SMIM21: variants seen among roughly 807,000 people sequenced by gnomAD.
SMIM21 encodes the protein chromosome 18 open reading frame 62.
In SMIM21, 8 loss-of-function variants were observed where a neutral mutation model predicts 8.6. The ratio of observed to expected loss-of-function variants is 0.93; its 90% confidence interval spans 0.55 to 1.68. The LOEUF (loss-of-function observed/expected upper bound fraction) is 1.68. SMIM21 is among the 40% of genes most tolerant of loss of function. The pLI is 0.00. For missense variants in SMIM21, 132 were observed against 123.0 expected, an observed-to-expected ratio of 1.07 and a Z score of -0.35; for synonymous variants, 43 against 41.7, an observed-to-expected ratio of 1.03 and a Z score of -0.12.
intron 2 of SMIM21, chr18:75,416,996 A>G (rs1260662714): frequency 6.6e-6 from 1 of 152,190 alleles, no homozygotes; most frequent in Non-Finnish European, 1.5e-5. Flanking sequence ...TTTAGGAGAA[A>G]ATTTGGATTT....
At chr18:75,423,116 T>C (rs1195823007) in intron 1 of SMIM21, among the ~76,000 whole-genome samples, 1 of 152,218 alleles carries the variant, frequency 6.6e-6, no homozygotes, top group Non-Finnish European at 1.5e-5. Flanking sequence ...TAAAAATAAT[T>C]CTACACTTTT....
rs768340983 is a variant in SMIM21, at chr18:75,427,577, C to T, written c.-14G>A. ...ATACTGGTCCATGTGGGGGCTGCGG[C>T]GGTGACCAGTGAGAGGTCTCCTTGA... On this transcript the variant is annotated 5_prime_UTR_variant, in exon 1 of 3. Coordinates refer to ENST00000579022, the MANE Select transcript of SMIM21 (RefSeq NM_001037331.3). 8.8e-6 allele frequency: 14 copies of T among 1,582,338 alleles called. No homozygotes were observed. Among genetic ancestry groups the T allele is most frequent in the Middle Eastern group, 3.7e-4 (2 of 5,420 alleles).
intron 1 of SMIM21, among the ~76,000 whole-genome samples, chr18:75,426,402 C>T (rs111551020): frequency 2.0e-5 from 3 of 151,770 alleles, no homozygotes; most frequent in East Asian, 1.9e-4. Flanking sequence ...CTCTGCCTCC[C>T]GGGTTCACAC....
intron 1 of SMIM21, among the ~76,000 whole-genome samples, chr18:75,421,240 G>A (rs1433280247): frequency 6.6e-6 from 1 of 152,142 alleles, no homozygotes; most frequent in South Asian, 2.1e-4. Context: ...ATTCCTAATG[G>A]CAATGCTTCC....
In SMIM21 at chr18:75,427,648, A is replaced by G. The variant is rs1323543880; in HGVS notation, c.-85T>C. On this transcript the variant is annotated 5_prime_UTR_variant, in exon 1 of 3. Coordinates refer to ENST00000579022, the MANE Select transcript of SMIM21 (RefSeq NM_001037331.3). ...CAGAGCTGGTGCTATAAGACCTGGT[A>G]ACTAAGTTCCCAAGGAGCTTTTCTC... The G allele has an allele frequency of 7.2e-7, 1 of 1,384,682 alleles. No homozygotes were observed. Among genetic ancestry groups the G allele is most frequent in the Non-Finnish European group, 9.5e-7 (1 of 1,055,300 alleles). The allele number at this position is 1,384,682 out of a possible 1,614,324, so 85.8% of individuals were successfully genotyped here. A position where few individuals can be genotyped will look rare whatever the true frequency, so the allele number is the denominator to read the frequency against.
In SMIM21 at chr18:75,427,463, T is replaced by G; in HGVS notation, c.101A>C (p.Asn34Thr). ...GGTAAGTGCTTTCTTCTGCAGCAAA[T>G]TCCCCTTGAATATCCGTCCCATTCC... The part of the protein sequence containing the change: ...SAGMGRIFKG[N>T]LLQKKALTTF... Residue 34 changes from asparagine to threonine, a missense_variant, in exon 1 of 3, where the codon AAT becomes ACT. Transcript: ENST00000579022. 6.2e-7 allele frequency: 1 copy of G among 1,614,032 alleles called. No individual in the cohort carries two copies. Among genetic ancestry groups the G allele is most frequent in the Non-Finnish European group, 8.5e-7 (1 of 1,179,960 alleles).
intron 1 of SMIM21, among the ~76,000 whole-genome samples, chr18:75,426,893 A>G (rs182886325): frequency 2.0e-5 from 3 of 152,266 alleles, no homozygotes; most frequent in Admixed American, 1.3e-4. Flanking sequence ...TGATCACCCC[A>G]TCACCTCTGC....
chr18:75,413,891 T>A (rs186339325), intron 2 of SMIM21, among the ~76,000 whole-genome samples: 2 of 152,266 alleles, frequency 1.3e-5, no homozygotes, highest in African/African-American at 4.8e-5. Flanking sequence ...ATATGTTTAA[T>A]AAATTAATCA....
At chr18:75,426,188 C>T (rs1382796374) in intron 1 of SMIM21, among the ~76,000 whole-genome samples, 2 of 152,154 alleles carry the variant, frequency 1.3e-5, no homozygotes, top group East Asian at 3.8e-4. Flanking sequence ...GACTTCAAAT[C>T]GACTTACAAC....
At chr18:75,422,016 C>A (rs902851674) in intron 1 of SMIM21, among the ~76,000 whole-genome samples, 2 of 152,146 alleles carry the variant, frequency 1.3e-5, no homozygotes, top group African/African-American at 4.8e-5. Flanking sequence ...GGGGTTGAGA[C>A]AAAGAGACAA....
At chr18:75,424,992 G>A (rs917492427) in intron 1 of SMIM21, among the ~76,000 whole-genome samples, 3 of 152,214 alleles carry the variant, frequency 2.0e-5, no homozygotes, top group Non-Finnish European at 2.9e-5. Context: ...CCTGGTAGTG[G>A]ATCAGCTCCC....
Position 75,410,982 on chromosome 18 carries a change from G to T in SMIM21, c.261-73C>A, listed in dbSNP as rs1599101401. The T allele has an allele frequency of 5.7e-6, 9 of 1,565,314 alleles. No homozygotes were observed. The East Asian group carries it at 1.4e-4, about 25-fold the overall frequency. Reference sequence around the variant, plus strand: ...ATAATCAAAATATTACAATAAAATTGACCATTTGTTTTTATCTAATGAACA... The same window carrying T: ...ATAATCAAAATATTACAATAAAATTTACCATTTGTTTTTATCTAATGAACA... On this transcript the variant is annotated intron_variant, in intron 2 of 2. Transcript: ENST00000579022.
At chr18:75,417,818 G>T (rs150504510) in intron 2 of SMIM21, 2 of 177,742 alleles carry the variant, frequency 1.1e-5, no homozygotes, top group Non-Finnish European at 2.3e-5. Flanking sequence ...AGAACTTATC[G>T]CCCTGAAATT....
intron 1 of SMIM21, among the ~76,000 whole-genome samples, chr18:75,425,102 C>T (rs1417242973): frequency 1.3e-5 from 2 of 152,180 alleles, no homozygotes; most frequent in Non-Finnish European, 2.9e-5. Flanking sequence ...CCTCAGCTGA[C>T]ACAACTCCAG....
At chr18:75,411,206 C>G (rs1453401969) in intron 2 of SMIM21, among the ~76,000 whole-genome samples, 2 of 152,194 alleles carry the variant, frequency 1.3e-5, no homozygotes, top group Non-Finnish European at 2.9e-5. Context: ...TCTCAAAGCC[C>G]TTACTAGCCT....
At chr18:75,415,631 T>C (rs1326484070) in intron 2 of SMIM21, among the ~76,000 whole-genome samples, 2 of 152,186 alleles carry the variant, frequency 1.3e-5, no homozygotes, top group African/African-American at 2.4e-5. Context: ...ACTCTGAGGG[T>C]CCTTTTCTTC....
At chr18:75,416,030 T>A (rs2024640475) in intron 2 of SMIM21, 1 of 152,206 alleles carries the variant, frequency 6.6e-6, no homozygotes, top group Admixed American at 6.5e-5. Flanking sequence ...CTTTATAATG[T>A]TTTTATTTTA....
chr18:75,421,245 G>A (rs1339960155), intron 1 of SMIM21, among the ~76,000 whole-genome samples: 3 of 152,210 alleles, frequency 2.0e-5, no homozygotes, highest in Non-Finnish European at 4.4e-5. Flanking sequence ...TAATGGCAAT[G>A]CTTCCTACAG....
At chr18:75,418,666 G>T in intron 2 of SMIM21, 120 bp downstream of exon 2, 1 of 982,154 alleles carries the variant, frequency 1.0e-6, no homozygotes, top group Non-Finnish European at 1.5e-6. Flanking sequence ...TCTCCTAGGT[G>T]GCTACAGATT....
Sources: gnomAD v4.1 joint callset for allele counts (sites outside exome capture counted in the v4.1 genomes callset) on GRCh38, gnomAD v4.1.1 for gene constraint, MANE v1.5 for transcripts, NCBI Gene and HGNC (gene_info 2026-07-23, HGNC 2026-07-21) for gene names.